Variants in ADGRL3 observed in about 807,000 individuals in gnomAD.
ADGRL3 encodes calcium-independent alpha-latrotoxin receptor 3.
Under a neutral mutation model 153.5 loss-of-function variants are expected in ADGRL3, and 62 were observed. The observed-to-expected ratio is 0.40, with a 90% CI of 0.33 to 0.50. ADGRL3 has a LOEUF of 0.50. ADGRL3 is among the 20% of genes least tolerant of loss of function. The pLI is 0.47. For synonymous variants in ADGRL3, 710 were observed against 672.5 expected, an observed-to-expected ratio of 1.06 and a Z score of -0.86; for missense variants, 1,641 against 1,859.4, an observed-to-expected ratio of 0.88 and a Z score of 2.16.
intron 8 of ADGRL3, among the ~76,000 whole-genome samples, chr4:61,749,128 C>A (rs1291987292): frequency 2.7e-4 from 41 of 152,154 alleles, no homozygotes; most frequent in Middle Eastern, 3.4e-3. Context: ...ATCACTGGCC[C>A]TCACAGAAAT....
chr4:61,987,611 G>A (rs2099090341), intron 19 of ADGRL3, among the ~76,000 whole-genome samples: 1 of 152,040 alleles, frequency 6.6e-6, no homozygotes, highest in Non-Finnish European at 1.5e-5. Context: ...CTTTAAATAT[G>A]AAAATGTATA....
At chr4:62,039,348 A>G (rs552646625) in intron 24 of ADGRL3, among the ~76,000 whole-genome samples, 269 of 152,288 alleles carry the variant, frequency 1.8e-3, no homozygotes, top group African/African-American at 6.3e-3. Context: ...TTCATAAACA[A>G]TTTCCTCACC....
chr4:61,599,489 C>T (rs962802206), intron 5 of ADGRL3, among the ~76,000 whole-genome samples: 3 of 152,118 alleles, frequency 2.0e-5, no homozygotes, highest in South Asian at 2.1e-4. Context: ...CCTGCCACCA[C>T]GCCTGGCTAA....
chr4:61,327,380 T>G (rs1294959093), intron 1 of ADGRL3, among the ~76,000 whole-genome samples: 3 of 151,512 alleles, frequency 2.0e-5, no homozygotes, highest in Admixed American at 2.0e-4. Context: ...TCCTGTAAAG[T>G]ATGCTCCTAC....
intron 1 of ADGRL3, among the ~76,000 whole-genome samples, chr4:61,284,332 T>A (rs2093844701): frequency 1.3e-5 from 2 of 151,862 alleles, no homozygotes; most frequent in South Asian, 4.2e-4. Context: ...AGACTCAACT[T>A]CCTTAACCGC....
intron 4 of ADGRL3, among the ~76,000 whole-genome samples, chr4:61,531,061 G>GA (rs2098609980): frequency 6.6e-6 from 1 of 152,006 alleles, no homozygotes; most frequent in African/African-American, 2.4e-5. Context: ...AATGCAAATG[G>GA]AAAAATATTT....
chr4:61,445,288 C>T (rs2097569933), intron 2 of ADGRL3, among the ~76,000 whole-genome samples: 1 of 152,048 alleles, frequency 6.6e-6, no homozygotes, highest in African/African-American at 2.4e-5. Flanking sequence ...CTCAAGCTTG[C>T]CTAATATAAA....
chr4:61,564,233 C>T (rs1257704892), intron 4 of ADGRL3, among the ~76,000 whole-genome samples: 4 of 151,592 alleles, frequency 2.6e-5, no homozygotes, highest in Non-Finnish European at 4.4e-5. Flanking sequence ...GTTTTGCTTT[C>T]GTTTTGGGGG....
chr4:61,456,478 T>G (rs868312628), intron 2 of ADGRL3, among the ~76,000 whole-genome samples: 1 of 125,948 alleles, frequency 7.9e-6, no homozygotes, highest in African/African-American at 2.9e-5. Context: ...TATCTATATC[T>G]ATATATATAG....
At position 61,829,768 on chromosome 4, in the gene ADGRL3, G is replaced by A. The variant is rs147840281; in HGVS notation, c.1480+15879G>A. Among the ~76,000 whole-genome samples, 1,309 of 152,222 alleles carry A rather than the reference G, an allele frequency of 8.6e-3. 10 individuals are homozygous for A. The highest frequency in any genetic ancestry group is 0.015 in the Non-Finnish European group (1,036 of 68,012). ...GTTAGTTAACTGTGGCACTATCAAA[G>A]CAATAGGTACAAAAGACACAGTGAA... On this transcript the variant is annotated intron_variant, in intron 9 of 26. Transcript: ENST00000683033.
intron 2 of ADGRL3, among the ~76,000 whole-genome samples, chr4:61,432,650 CTTTCTTTTTT>C (rs2097384121): frequency 2.6e-5 from 1 of 38,872 alleles, no homozygotes; most frequent in African/African-American, 1.2e-4. Context: ...TTCTTTCTTT[CTTTCTTTTTT>C]TTTTTTTTTT....
At chr4:61,440,678 G>T (rs1260324165) in intron 2 of ADGRL3, among the ~76,000 whole-genome samples, 1 of 23,962 alleles carries the variant, frequency 4.2e-5, no homozygotes, top group African/African-American at 5.6e-5. Context: ...GAATGCACAT[G>T]ATACATCACA....
chr4:61,599,500 G>A (rs1312968658), intron 5 of ADGRL3, among the ~76,000 whole-genome samples: 1 of 152,076 alleles, frequency 6.6e-6, no homozygotes, highest in African/African-American at 2.4e-5. Flanking sequence ...GCCTGGCTAA[G>A]TTTTGTATTT....
At chr4:61,495,899 G>C (rs1179729646) in intron 2 of ADGRL3, among the ~76,000 whole-genome samples, 3 of 152,170 alleles carry the variant, frequency 2.0e-5, no homozygotes, top group Non-Finnish European at 4.4e-5. Context: ...TGTTCGAACT[G>C]CATTTTAATT....
rs560976527 is a variant in ADGRL3, at chr4:61,848,645, C to A, written c.1480+34756C>A. Among the ~76,000 whole-genome samples, 107 of 152,078 alleles carry A rather than the reference C, an allele frequency of 7.0e-4. 1 individual carries two copies. The highest frequency in any genetic ancestry group is 2.0e-3 in the Admixed American group (31 of 15,260). The stretch of plus-strand genomic sequence containing the variant: ...AGGGACACAATTCAACCCATATCAC[C>A]CTGTATTCTAAATTTTATCCAAGAG... On this transcript the variant is annotated intron_variant, in intron 9 of 26. Transcript: ENST00000683033.
chr4:61,288,041 T>A (rs1349964047), intron 1 of ADGRL3, among the ~76,000 whole-genome samples: 1 of 151,806 alleles, frequency 6.6e-6, no homozygotes, highest in African/African-American at 2.4e-5. Flanking sequence ...TTGGAAAAAA[T>A]GAAATTGAAC....
chr4:61,398,026 C>T (rs922913822), intron 2 of ADGRL3, among the ~76,000 whole-genome samples: 2 of 151,822 alleles, frequency 1.3e-5, no homozygotes, highest in Admixed American at 6.6e-5. Context: ...CTTTATCACA[C>T]TCACTAGGCT....
intron 13 of ADGRL3, chr4:61,933,939 T>C (rs149257304): frequency 6.6e-6 from 1 of 152,318 alleles, no homozygotes; most frequent in Non-Finnish European, 1.5e-5. Context: ...GGTTCAGGGA[T>C]GATCACTTTC....
chr4:61,517,314 G>T lies in ADGRL3; in HGVS notation c.56-1G>T. ...GATGGTGCGCCCTGCGGTCCCCGCA[G>T]GTGGCAAGCACAGTGAACGACATCC... is the stretch of plus-strand genomic sequence containing the variant. On this transcript the variant is annotated splice_acceptor_variant, in intron 3 of 26. Coordinates refer to ENST00000683033, the MANE Select transcript of ADGRL3 (RefSeq NM_001387552.1). LOFTEE classifies it high-confidence loss of function. The T allele has an allele frequency of 2.8e-6, 2 of 702,698 alleles. No homozygotes were observed. Among genetic ancestry groups the T allele is most frequent in the Non-Finnish European group, 5.2e-6 (2 of 385,186 alleles). The allele number at this position is 702,698 out of a possible 1,614,324, so 43.5% of individuals were successfully genotyped here.
Sources: allele counts gnomAD v4.1 joint callset (sites outside exome capture counted in the v4.1 genomes callset), GRCh38; gene constraint gnomAD v4.1.1; transcripts MANE v1.5; gene names NCBI Gene and HGNC (gene_info 2026-07-23, HGNC 2026-07-21).